SLIT3: variants seen among roughly 807,000 people sequenced by gnomAD.
The protein encoded by SLIT3 is slit homolog 3 protein.
SLIT3 carries 68 observed loss-of-function variants against 184.0 expected under a neutral mutation model. That is an observed-to-expected ratio of 0.37 (90% confidence interval 0.30 to 0.45). The LOEUF (loss-of-function observed/expected upper bound fraction) is 0.45. Among genes scored for constraint, SLIT3 ranks in the 20% least tolerant of loss-of-function variants. The probability of loss-of-function intolerance (pLI) is 1.00; values close to 1 mark genes in which losing one functional copy is unlikely to be tolerated. For missense variants in SLIT3, 1,707 were observed against 2,026.0 expected, an observed-to-expected ratio of 0.84 and a Z score of 3.02; for synonymous variants, 831 against 828.6, an observed-to-expected ratio of 1.00 and a Z score of -0.05.
intron 20 of SLIT3, among the ~76,000 whole-genome samples, chr5:168,727,774 A>G (rs904451997): frequency 6.6e-6 from 1 of 152,170 alleles, no homozygotes; most frequent in African/African-American, 2.4e-5. Context: ...AGGAGCAGAC[A>G]CTGGGAGGGG....
chr5:169,218,529 G>A (rs540471140), intron 3 of SLIT3, among the ~76,000 whole-genome samples: 22 of 152,304 alleles, frequency 1.4e-4, no homozygotes, highest in African/African-American at 5.3e-4. Context: ...GTGACTGGCG[G>A]GAACATTAAG....
intron 11 of SLIT3, among the ~76,000 whole-genome samples, chr5:168,787,977 A>G (rs1172164086): frequency 6.7e-6 from 1 of 149,962 alleles, no homozygotes; most frequent in Non-Finnish European, 1.5e-5. Context: ...TGAATGAATA[A>G]ATCGGGAGTG....
intron 4 of SLIT3, among the ~76,000 whole-genome samples, chr5:168,998,370 G>A (rs1351531697): frequency 1.3e-5 from 2 of 152,134 alleles, no homozygotes; most frequent in African/African-American, 4.8e-5. Flanking sequence ...TAGTTATAAT[G>A]TTTTGATGCC....
At chr5:169,246,121 A>G (rs1336712276) in intron 2 of SLIT3, among the ~76,000 whole-genome samples, 1 of 152,162 alleles carries the variant, frequency 6.6e-6, no homozygotes, top group Non-Finnish European at 1.5e-5. Context: ...AAGATATTTC[A>G]CATGTACTCA....
intron 4 of SLIT3, among the ~76,000 whole-genome samples, chr5:168,884,425 T>TCACACACA (rs768704242): frequency 6.7e-4 from 95 of 141,550 alleles, no homozygotes; most frequent in African/African-American, 1.6e-3. Context: ...TCTCTCTCTC[T>TCACACACA]CTCACACACA....
intron 4 of SLIT3, among the ~76,000 whole-genome samples, chr5:168,971,840 A>C (rs1459188062): frequency 1.3e-5 from 2 of 152,220 alleles, no homozygotes; most frequent in Admixed American, 6.5e-5. Flanking sequence ...TTCCATGAGC[A>C]AGGCTCTGGA....
intron 4 of SLIT3, among the ~76,000 whole-genome samples, chr5:169,167,702 A>G (rs906507857): frequency 3.9e-5 from 6 of 152,142 alleles, no homozygotes; most frequent in Admixed American, 3.3e-4. Context: ...ACTGGTAAGG[A>G]GCAGAGGGTG....
chr5:168,884,029 A>G (rs935517434), intron 4 of SLIT3, among the ~76,000 whole-genome samples: 3 of 151,946 alleles, frequency 2.0e-5, no homozygotes, highest in African/African-American at 7.3e-5. Flanking sequence ...CAGGTTCTAC[A>G]GCTGGCTAAA....
chr5:169,255,992 G>A (rs935554730), intron 1 of SLIT3, among the ~76,000 whole-genome samples: 3 of 152,192 alleles, frequency 2.0e-5, no homozygotes, highest in Non-Finnish European at 2.9e-5. Context: ...GTAGTGAATA[G>A]TAATGTCCTA....
chr5:169,300,416 C>G lies in SLIT3; in HGVS notation c.197+97G>C. On this transcript the variant is annotated intron_variant, in intron 1 of 35. Coordinates refer to ENST00000519560, the MANE Select transcript of SLIT3 (RefSeq NM_003062.4). The surrounding 1 kb of genome is among the most constrained non-coding windows in gnomAD (Gnocchi z 4.1). ...GAAGGGATGAGAATAGAGACTGCAT[C>G]CAGGGAGGCCGAGGGGAAAGGACGG... is the stretch of plus-strand genomic sequence containing the variant. 1 of 1,350,376 alleles carries G rather than the reference C, an allele frequency of 7.4e-7. No homozygotes were observed. Among genetic ancestry groups the G allele is most frequent in the Non-Finnish European group, 9.5e-7 (1 of 1,050,024 alleles). 83.6% of individuals were successfully genotyped at this position (1,350,376 alleles called of 1,614,324 possible).
intron 4 of SLIT3, among the ~76,000 whole-genome samples, chr5:169,070,192 G>A (rs1263234593): frequency 6.6e-6 from 1 of 152,158 alleles, no homozygotes; most frequent in Non-Finnish European, 1.5e-5. Flanking sequence ...TCAACAGGTG[G>A]TATTGTGGGG....
intron 5 of SLIT3, 153 bp from the exon 6 acceptor site, chr5:168,844,808 G>T (rs1245120412): frequency 1.6e-6 from 1 of 632,064 alleles, no homozygotes; most frequent in Admixed American, 2.4e-5. Flanking sequence ...CTGCCACGCT[G>T]CTCCGTCTCT....
chr5:169,044,420 G>A (rs1350364185), intron 4 of SLIT3, among the ~76,000 whole-genome samples: 2 of 152,100 alleles, frequency 1.3e-5, no homozygotes, highest in Admixed American at 1.3e-4. Flanking sequence ...AAGAAATGAA[G>A]TATCGATACA....
intron 12 of SLIT3, among the ~76,000 whole-genome samples, chr5:168,776,290 G>A (rs1755744487): frequency 1.3e-5 from 2 of 152,206 alleles, no homozygotes; most frequent in Non-Finnish European, 2.9e-5. Context: ...CTGTGGCAGT[G>A]ACAAGTGGAA....
intron 4 of SLIT3, among the ~76,000 whole-genome samples, chr5:169,037,311 C>T (rs1436868286): frequency 6.6e-6 from 1 of 152,218 alleles, no homozygotes; most frequent in East Asian, 1.9e-4. Context: ...AAAGCAGCTC[C>T]TGGTAGACTA....
At chr5:169,101,610 A>C (rs1160646302) in intron 4 of SLIT3, among the ~76,000 whole-genome samples, 1 of 152,240 alleles carries the variant, frequency 6.6e-6, no homozygotes, top group Non-Finnish European at 1.5e-5. Flanking sequence ...GAACTTCCAC[A>C]AATGGAAATA....
At chr5:169,104,635 TATC>T (rs1340614328) in intron 4 of SLIT3, among the ~76,000 whole-genome samples, 1 of 152,170 alleles carries the variant, frequency 6.6e-6, no homozygotes, top group Non-Finnish European at 1.5e-5. Context: ...CCTCCAGCCT[TATC>T]ATCTTCTCCT....
chr5:168,977,862 A>C (rs1297976059), intron 4 of SLIT3, among the ~76,000 whole-genome samples: 1 of 152,218 alleles, frequency 6.6e-6, no homozygotes, highest in Non-Finnish European at 1.5e-5. Flanking sequence ...CAGAGATGGA[A>C]AAGGTGAAGA....
At chr5:169,182,958 A>G (rs1763217542) in intron 4 of SLIT3, among the ~76,000 whole-genome samples, 1 of 152,196 alleles carries the variant, frequency 6.6e-6, no homozygotes, top group Non-Finnish European at 1.5e-5. Context: ...TGAGAGCAGC[A>G]CTGATTTTGT....
Sources: allele counts gnomAD v4.1 joint callset (sites outside exome capture counted in the v4.1 genomes callset), GRCh38; gene constraint gnomAD v4.1.1; non-coding constraint Gnocchi (gnomAD v3.1); transcripts MANE v1.5; gene names NCBI Gene and HGNC (gene_info 2026-07-23, HGNC 2026-07-21).